The following KDM4B variants were observed in gnomAD, a reference collection of about 807,000 sequenced individuals.
KDM4B encodes the protein lysine-specific demethylase 4B.
In KDM4B, 32 loss-of-function variants were observed where a neutral mutation model predicts 125.2. The ratio of observed to expected loss-of-function variants is 0.26; its 90% CI spans 0.19 to 0.34. KDM4B has a LOEUF of 0.34. Among genes scored for constraint, KDM4B ranks in the 10% least tolerant of loss-of-function variants. KDM4B has a pLI of 1.00. For missense variants in KDM4B, 1,190 were observed against 1,577.7 expected (o/e 0.75, Z 4.16); for synonymous variants, 721 against 677.9 (o/e 1.06, Z -0.99).
Position 5,125,780 on chromosome 19 carries a change from C to A in KDM4B, c.1316-5296C>A, listed in dbSNP as rs1476250956. 2.7e-5 allele frequency among the ~76,000 whole-genome samples: 4 copies of A among 150,630 alleles called. No individual in the cohort carries two copies. The South Asian group carries it at 8.5e-4, about 32-fold the overall frequency. ...CTCAGGACTGGTGCTGCCCACCCCC[C>A]GCCCCCCGCCCTGGACACCCTTATC... On this transcript the variant is annotated intron_variant, in intron 11 of 22. Transcript: ENST00000159111.
chr19:5,029,430 C>G (rs949497595), intron 2 of KDM4B, among the ~76,000 whole-genome samples: 2 of 152,234 alleles, frequency 1.3e-5, no homozygotes, highest in East Asian at 3.8e-4. Context: ...ATTCCCTCTT[C>G]CCTGTTTAGC....
Position 5,144,149 on chromosome 19 carries a change from C to A in KDM4B, c.2733C>A (p.His911Gln). 2 of 1,595,548 alleles carry A rather than the reference C, an allele frequency of 1.3e-6. No homozygotes were observed. The highest frequency in any genetic ancestry group is 8.6e-7 in the Non-Finnish European group (1 of 1,166,440). Residue 911 changes from histidine (H) to glutamine (Q), a missense_variant, in exon 19 of 23, where the codon CAC becomes CAA. His to Gln is a conservative substitution (Grantham distance 24). Transcript: ENST00000159111. ...ITCLKHKSGG[H>Q]AVQLLRAVSL... ...GCCTCAAGCACAAGTCGGGGGGTCA[C>A]GCTGTGAGTGCCTGCCCGCCTCCTT...
chr19:5,033,125 G>C, intron 3 of KDM4B, 94 bp downstream of exon 3: 5 of 1,424,478 alleles, frequency 3.5e-6, no homozygotes, highest in Non-Finnish European at 4.8e-6. Flanking sequence ...CCCCACAGGC[G>C]TGGCCTGTGC....
intron 11 of KDM4B, among the ~76,000 whole-genome samples, chr19:5,126,869 C>T (rs906632953): frequency 1.3e-5 from 2 of 152,232 alleles, no homozygotes; most frequent in African/African-American, 4.8e-5. Flanking sequence ...GGGAGGGGCC[C>T]CATAAGCCAG....
rs1386083278 is a variant in KDM4B at position 5,145,025 on chromosome 19, T to C, written c.3021+123T>C. The C allele has an allele frequency of 1.4e-5, 19 of 1,320,316 alleles. No homozygotes were observed. The Admixed American group carries it at 2.6e-4, about 18-fold the overall frequency. The allele number at this position is 1,320,316 out of a possible 1,614,324, so 81.8% of individuals were successfully genotyped here. A position where few individuals can be genotyped will look rare whatever the true frequency, so the allele number is the denominator to read the frequency against. On this transcript the variant is annotated intron_variant, in intron 21 of 22. Coordinates refer to ENST00000159111, the MANE Select transcript of KDM4B (RefSeq NM_015015.3). ...CTGGGGCACTGGCGGGTGTGGGCCA[T>C]GGTTAGTGAGGCCCGCAGGACCCAG...
At chr19:4,974,752 A>G (rs2034385891) in intron 1 of KDM4B, among the ~76,000 whole-genome samples, 1 of 151,818 alleles carries the variant, frequency 6.6e-6, no homozygotes, top group Non-Finnish European at 1.5e-5. Context: ...AAAAAAAAAA[A>G]GAAGGTAGTC....
At chr19:5,118,998 C>T (rs2039308570) in intron 10 of KDM4B, 1 of 644,310 alleles carries the variant, frequency 1.6e-6, no homozygotes, top group Non-Finnish European at 2.7e-6. Context: ...TCCCATGCAC[C>T]TCATGGGCTG....
chr19:5,116,871 C>T (rs981617109), intron 10 of KDM4B, among the ~76,000 whole-genome samples: 1 of 152,142 alleles, frequency 6.6e-6, no homozygotes, highest in African/African-American at 2.4e-5. Context: ...GTCATGGAGG[C>T]GAGCAAGGAT....
At chr19:5,137,149 C>T in intron 15 of KDM4B, 113 bp from the exon 16 acceptor site, 1 of 717,312 alleles carries the variant, frequency 1.4e-6, no homozygotes, top group Non-Finnish European at 2.5e-6. Flanking sequence ...GGCCTCGTCA[C>T]TCCACATACG....
At chr19:5,068,015 A>G (rs945229231) in intron 6 of KDM4B, among the ~76,000 whole-genome samples, 1 of 151,994 alleles carries the variant, frequency 6.6e-6, no homozygotes, top group African/African-American at 2.4e-5. Flanking sequence ...GAAATTGCTC[A>G]CTAATAGCCA....
At chr19:5,058,983 C>T (rs561886108) in intron 6 of KDM4B, among the ~76,000 whole-genome samples, 66 of 152,344 alleles carry the variant, frequency 4.3e-4, no homozygotes, top group South Asian at 2.5e-3. Flanking sequence ...TCCCGCCAGG[C>T]GGTGTTTGGA....
intron 1 of KDM4B, among the ~76,000 whole-genome samples, chr19:4,993,890 G>A (rs2035108489): frequency 6.6e-6 from 1 of 151,932 alleles, no homozygotes; most frequent in South Asian, 2.1e-4. Context: ...TGGATTACAG[G>A]CATGAGTCAT....
At chr19:5,014,307 G>C (rs2035822201) in intron 1 of KDM4B, among the ~76,000 whole-genome samples, 1 of 152,126 alleles carries the variant, frequency 6.6e-6, no homozygotes, top group Non-Finnish European at 1.5e-5. Flanking sequence ...GACGGAGTCT[G>C]GCTCTGTTGC....
Position 5,144,256 on chromosome 19 carries a change from C to G in KDM4B, c.2745C>G (p.Leu915=). 6.3e-7 allele frequency: 1 copy of G among 1,598,298 alleles called. No homozygotes were observed. Among genetic ancestry groups the G allele is most frequent in the Non-Finnish European group, 8.5e-7 (1 of 1,173,304 alleles). ...KHKSGGHAVQ[L]LRAVSLGQVV... is the part of the protein sequence containing the mutation. ...CCTCCGCACCCTCCCAGGTCCAACTCCTGAGGGCCGTGTCCCTAGGCCAGG... is the reference window on the plus strand; with the variant it reads ...CCTCCGCACCCTCCCAGGTCCAACTGCTGAGGGCCGTGTCCCTAGGCCAGG... Residue 915 remains leucine (L), a synonymous_variant, in exon 20 of 23, where the codon CTC becomes CTG. Transcript: ENST00000159111.
At chr19:4,995,880 C>T (rs535098480) in intron 1 of KDM4B, among the ~76,000 whole-genome samples, 7 of 152,330 alleles carry the variant, frequency 4.6e-5, no homozygotes, top group Admixed American at 1.3e-4. Flanking sequence ...CTGGTCGCCG[C>T]GGTGTCACGC....
chr19:5,148,663 C>G (rs1046623366), intron 21 of KDM4B, among the ~76,000 whole-genome samples: 3 of 152,010 alleles, frequency 2.0e-5, no homozygotes, highest in Non-Finnish European at 4.4e-5. Flanking sequence ...AAAGCGGAGC[C>G]TCCAAAACCC....
At chr19:5,096,327 C>T (rs1340436759) in intron 9 of KDM4B, among the ~76,000 whole-genome samples, 1 of 152,124 alleles carries the variant, frequency 6.6e-6, no homozygotes, top group Non-Finnish European at 1.5e-5. Context: ...TCAAGTGATC[C>T]ACCCGCCTTG....
chr19:5,025,659 C>G (rs771830927), intron 2 of KDM4B, among the ~76,000 whole-genome samples: 1 of 152,340 alleles, frequency 6.6e-6, no homozygotes, highest in South Asian at 2.1e-4. Context: ...GCCTCCTCTG[C>G]GCTCCCTGCC....
intron 10 of KDM4B, among the ~76,000 whole-genome samples, chr19:5,118,580 C>T (rs2039300646): frequency 6.6e-6 from 1 of 152,182 alleles, no homozygotes; most frequent in Non-Finnish European, 1.5e-5. Flanking sequence ...GCCTGAGCCC[C>T]CTGGGAACCA....
Sources: gnomAD v4.1 joint callset for allele counts (sites outside exome capture counted in the v4.1 genomes callset) on GRCh38, gnomAD v4.1.1 for gene constraint, MANE v1.5 for transcripts, NCBI Gene and HGNC (gene_info 2026-07-23, HGNC 2026-07-21) for gene names.